Variants in CD226 observed in about 807,000 individuals in gnomAD.
The protein encoded by CD226 is CD226 molecule, also known as CD226 antigen.
CD226 carries 24 observed loss-of-function variants against 34.9 expected under a neutral mutation model. The observed-to-expected ratio is 0.69, with a 90% CI of 0.50 to 0.97. CD226 has a LOEUF of 0.97. Among genes scored for constraint, CD226 ranks in the 50% least tolerant of loss-of-function variants. The pLI, the probability that CD226 is intolerant of heterozygous loss-of-function variation, is 0.00. For missense variants in CD226, 397 were observed against 412.7 expected (o/e 0.96, Z 0.33); for synonymous variants, 148 against 147.4 (o/e 1.00, Z -0.03).
chr18:69,944,778 T>C (rs1364726152), intron 2 of CD226, among the ~76,000 whole-genome samples: 1 of 152,210 alleles, frequency 6.6e-6, no homozygotes, highest in African/African-American at 2.4e-5. Flanking sequence ...CCAAGCAGGA[T>C]TTAACAGGTG....
Position 69,860,410 on chromosome 18 carries a change from C to T in CD226, c.*3904G>A, listed in dbSNP as rs913004046. 4 of 152,184 alleles carry T rather than the reference C, an allele frequency of 2.6e-5. No individual in the cohort carries two copies. Among genetic ancestry groups the T allele is most frequent in the Admixed American group, 2.0e-4 (3 of 15,284 alleles). 9.4% of individuals were successfully genotyped at this position (152,184 alleles called of 1,614,324 possible). ...ATAATACGAAATAAACCAGAATTATCCCAGACATTTATTACTCATACTTCC... is the reference window on the plus strand; with the variant it reads ...ATAATACGAAATAAACCAGAATTATTCCAGACATTTATTACTCATACTTCC... On this transcript the variant is annotated 3_prime_UTR_variant, in exon 6 of 6. Transcript: ENST00000582621.
At chr18:69,954,604 C>A (rs1282388115) in intron 1 of CD226, among the ~76,000 whole-genome samples, 1 of 151,542 alleles carries the variant, frequency 6.6e-6, no homozygotes, top group East Asian at 1.9e-4. Flanking sequence ...ACTTCCTCAC[C>A]CAGGATAAAG....
At chr18:69,920,635 A>G (rs1036440270) in intron 2 of CD226, among the ~76,000 whole-genome samples, 21 of 152,316 alleles carry the variant, frequency 1.4e-4, no homozygotes, top group African/African-American at 4.8e-4. Context: ...ATAATAAAAA[A>G]TTTAATATAT....
At chr18:69,902,937 T>C (rs1184255413) in intron 2 of CD226, among the ~76,000 whole-genome samples, 1 of 152,114 alleles carries the variant, frequency 6.6e-6, no homozygotes, top group Non-Finnish European at 1.5e-5. Flanking sequence ...AAACTCTTAC[T>C]AGTCACCCAA....
upstream of CD226, among the ~76,000 whole-genome samples, chr18:69,949,866 TCA>T (rs1308405853): frequency 6.7e-6 from 1 of 149,746 alleles, no homozygotes; most frequent in Admixed American, 6.7e-5. Flanking sequence ...ACGTTATCAC[TCA>T]CATATGCACA....
chr18:69,865,376 A>C (rs1395205071), intron 5 of CD226, among the ~76,000 whole-genome samples: 3 of 151,834 alleles, frequency 2.0e-5, no homozygotes, highest in Non-Finnish European at 4.4e-5. Context: ...AAAGAGAATG[A>C]AGTAGTTCTA....
At chr18:69,930,521 G>A (rs1319644092) in intron 2 of CD226, among the ~76,000 whole-genome samples, 1 of 24,290 alleles carries the variant, frequency 4.1e-5, no homozygotes, top group Non-Finnish European at 6.2e-4. Flanking sequence ...ACACCTGCCA[G>A]TCTAAGCAAC....
intron 2 of CD226, among the ~76,000 whole-genome samples, chr18:69,902,267 G>A (rs770364256): frequency 2.6e-5 from 4 of 151,970 alleles, no homozygotes; most frequent in Non-Finnish European, 4.4e-5. Context: ...GGACCTTTTG[G>A]CGCCATCCAG....
At chr18:69,959,144 T>A (rs1276460831), upstream of CD226, among the ~76,000 whole-genome samples, 1 of 152,162 alleles carries the variant, frequency 6.6e-6, no homozygotes, top group Non-Finnish European at 1.5e-5. Flanking sequence ...GGGGAAATGT[T>A]GAAATATCAC....
rs1425312206 is a variant in CD226, at chr18:69,867,357, C to G, written c.885G>C (p.Lys295Asn). The G allele has an allele frequency of 6.3e-7, 1 of 1,589,814 alleles. No individual in the cohort carries two copies. The highest frequency in any genetic ancestry group is 2.2e-5 in the East Asian group (1 of 44,716). ...AAATGACAGTTCCGTATAAACTTAC[C>G]TTCTGTGTATCCCAGGACTCTGTAA... ...DLFTESWDTQ[K>N]APNNYRSPIS... is the part of the protein sequence containing the mutation. Residue 295 changes from lysine (K) to asparagine (N), a missense_variant and splice_region_variant, in exon 5 of 6, where the codon AAG becomes AAC. By Grantham distance (94) the Lys-to-Asn change is moderately conservative. Transcript: ENST00000582621.
chr18:69,914,444 G>T (rs1189844773), intron 2 of CD226, among the ~76,000 whole-genome samples: 1 of 152,230 alleles, frequency 6.6e-6, no homozygotes, highest in African/African-American at 2.4e-5. Flanking sequence ...TTTGTGGTTA[G>T]CAATTCCTTG....
At position 69,922,359 on chromosome 18, in the gene CD226, G is replaced by A. The variant is rs779101721; in HGVS notation, c.382+24375C>T. Among the ~76,000 whole-genome samples the A allele has an allele frequency of 6.6e-5, 10 of 152,268 alleles. No homozygotes were observed. The South Asian group carries it at 1.0e-3, about 16-fold the overall frequency. On this transcript the variant is annotated intron_variant, in intron 2 of 5. Coordinates refer to ENST00000582621, the MANE Select transcript of CD226 (RefSeq NM_001303618.2). ...TCCAGTGGTGCGATCATAGCTCACTGCAGCTTCAAGCACCTGGGCACAGGC... is the reference window on the plus strand; with the variant it reads ...TCCAGTGGTGCGATCATAGCTCACTACAGCTTCAAGCACCTGGGCACAGGC...
chr18:69,947,858 C>A lies in CD226; in HGVS notation c.-452G>T, dbSNP rs2055812923. ...AGTGAAAGGTGGTGCATGCATGGAGCAGAGAAGTCCTCACTGAGAGCATAA... is the reference window on the plus strand; with the variant it reads ...AGTGAAAGGTGGTGCATGCATGGAGAAGAGAAGTCCTCACTGAGAGCATAA... On this transcript the variant is annotated 5_prime_UTR_variant, in exon 1 of 6. Transcript: ENST00000582621. 6.6e-6 allele frequency: 1 copy of A among 152,444 alleles called. No individual in the cohort carries two copies. Among genetic ancestry groups the A allele is most frequent in the Admixed American group, 6.5e-5 (1 of 15,278 alleles). The allele number at this position is 152,444 out of a possible 1,614,324, so 9.4% of individuals were successfully genotyped here.
At chr18:69,953,472 G>A (rs2055870868) in intron 1 of CD226, among the ~76,000 whole-genome samples, 1 of 152,180 alleles carries the variant, frequency 6.6e-6, no homozygotes, top group Non-Finnish European at 1.5e-5. Flanking sequence ...GAAACAAAAG[G>A]CCACATTTTG....
chr18:69,872,480 G>C (rs1983595897), intron 4 of CD226, among the ~76,000 whole-genome samples: 1 of 151,894 alleles, frequency 6.6e-6, no homozygotes, highest in Non-Finnish European at 1.5e-5. Context: ...CGAACTCTTG[G>C]ACTCAAGCAA....
chr18:69,896,590 A>AT (rs1318855844), intron 2 of CD226, among the ~76,000 whole-genome samples: 5 of 148,838 alleles, frequency 3.4e-5, no homozygotes, highest in African/African-American at 1.2e-4. Context: ...ACATAGTTCC[A>AT]TAAGTGTTAC....
At chr18:69,949,335 A>C (rs527349472), upstream of CD226, among the ~76,000 whole-genome samples, 1 of 152,306 alleles carries the variant, frequency 6.6e-6, no homozygotes, top group South Asian at 2.1e-4. Flanking sequence ...AATCTTGGTC[A>C]CTGTACAGAA....
intron 1 of CD226, among the ~76,000 whole-genome samples, chr18:69,953,444 G>A (rs573518205): frequency 6.0e-4 from 91 of 152,304 alleles, no homozygotes; most frequent in African/African-American, 2.0e-3. Context: ...ATAACATTAT[G>A]CTAAGTCAAA....
Position 69,867,392 on chromosome 18 carries a change from T to C in CD226, c.850A>G (p.Arg284Gly). 1 of 1,579,290 alleles carries C rather than the reference T, an allele frequency of 6.3e-7. No individual in the cohort carries two copies. The part of the protein sequence containing the change: ...FLNRRRRRER[R>G]DLFTESWDTQ... Reference sequence around the variant, plus strand: ...TCCCAGGACTCTGTAAATAGATCTCTTCTCTCTCTCCTTCTCCTTCTGGAA... The same window carrying C: ...TCCCAGGACTCTGTAAATAGATCTCCTCTCTCTCTCCTTCTCCTTCTGGAA... The change falls in exon 5 of 6, where the codon AGA becomes GGA. Residue 284 changes from arginine to glycine, a missense_variant. By Grantham distance (125) the Arg-to-Gly change is moderately radical. Transcript: ENST00000582621.
Sources: gnomAD v4.1 joint callset for allele counts (sites outside exome capture counted in the v4.1 genomes callset) on GRCh38, gnomAD v4.1.1 for gene constraint, MANE v1.5 for transcripts, NCBI Gene and HGNC (gene_info 2026-07-23, HGNC 2026-07-21) for gene names.